Variants in CHD9 observed in about 807,000 individuals in gnomAD.
CHD9 encodes chromodomain helicase DNA binding protein 9.
A neutral mutation model predicts 316.1 loss-of-function variants in CHD9; 77 were observed. The ratio of observed to expected loss-of-function variants is 0.24; its 90% CI spans 0.20 to 0.29. The LOEUF is 0.29. CHD9 is among the 10% of genes least tolerant of loss of function. CHD9 has a pLI of 1.00. For synonymous variants in CHD9, 1,129 were observed against 1,158.3 expected (o/e 0.97, Z 0.51); for missense variants, 2,763 against 3,438.1 (o/e 0.80, Z 4.91).
chr16:53,124,209 T>C (rs964526517), intron 1 of CHD9, among the ~76,000 whole-genome samples: 1 of 152,158 alleles, frequency 6.6e-6, no homozygotes, highest in African/African-American at 2.4e-5. Context: ...GGTTCGAGGG[T>C]TCTACTTTCT....
chr16:53,294,867 A>G (rs1342886317), intron 29 of CHD9, among the ~76,000 whole-genome samples: 4 of 152,240 alleles, frequency 2.6e-5, no homozygotes, highest in African/African-American at 7.2e-5. Context: ...TAGTTTTATC[A>G]TAACATTTGA....
chr16:53,255,829 A>G (rs751100336), intron 19 of CHD9, 50 bp downstream of exon 19: 10 of 1,516,026 alleles, frequency 6.6e-6, no homozygotes, highest in Non-Finnish European at 9.1e-6. Flanking sequence ...TCACATCCTA[A>G]CTACTGAGAA....
At chr16:53,058,784 C>A (rs552913103) in intron 1 of CHD9, among the ~76,000 whole-genome samples, 1 of 152,220 alleles carries the variant, frequency 6.6e-6, no homozygotes, top group African/African-American at 2.4e-5. Context: ...CAACACCCCC[C>A]ACCCTCCAAC....
chr16:53,264,380 A>G (rs2051448908), intron 20 of CHD9, among the ~76,000 whole-genome samples: 1 of 152,068 alleles, frequency 6.6e-6, no homozygotes, highest in Admixed American at 6.6e-5. Context: ...TAGAAACTAA[A>G]TTTTCTATAT....
intron 31 of CHD9, 97 bp downstream of exon 31, chr16:53,304,722 T>C (rs1270976890): frequency 5.5e-6 from 6 of 1,096,336 alleles, no homozygotes; most frequent in Non-Finnish European, 7.5e-6. Flanking sequence ...GAGATGGAGT[T>C]TTGCTCTTGT....
intron 22 of CHD9, 65 bp from the exon 23 acceptor site, chr16:53,273,561 A>G (rs1367126438): frequency 3.2e-6 from 4 of 1,267,924 alleles, no homozygotes; most frequent in Non-Finnish European, 4.3e-6. Flanking sequence ...TTGCATTGAA[A>G]CAATCTTTCA....
At chr16:53,146,008 T>TA (rs987674798) in intron 1 of CHD9, among the ~76,000 whole-genome samples, 2 of 151,954 alleles carry the variant, frequency 1.3e-5, no homozygotes, top group Non-Finnish European at 2.9e-5. Flanking sequence ...ATGAGTTGTC[T>TA]AGAGTTGTTA....
intron 1 of CHD9, among the ~76,000 whole-genome samples, chr16:53,143,320 A>G (rs2040270177): frequency 1.3e-5 from 2 of 151,614 alleles, no homozygotes; most frequent in African/African-American, 4.8e-5. Flanking sequence ...CCTTATGTGG[A>G]CTTTCATAAT....
At chr16:53,126,055 A>C (rs1375710049) in intron 1 of CHD9, among the ~76,000 whole-genome samples, 3 of 152,206 alleles carry the variant, frequency 2.0e-5, no homozygotes, top group African/African-American at 7.2e-5. Context: ...TTTAATTTTA[A>C]TGAAGTCTAG....
intron 3 of CHD9, among the ~76,000 whole-genome samples, chr16:53,222,023 CT>C (rs201154915): frequency 0.034 from 4,968 of 145,034 alleles, 94 homozygotes; most frequent in Middle Eastern, 0.077. Flanking sequence ...ACTTGATTGC[CT>C]TTTTTTTTTT....
rs749117823 is a variant in CHD9, at chr16:53,156,751, A to T, written c.662A>T (p.Asn221Ile). ...NHPPQMTNAS[N>I]SQQSISMQQF... ...CCACCACAGATGACTAATGCATCTA[A>T]TTCACAACAGTCTATTTCAATGCAG... The change falls in exon 2 of 39, where the codon AAT (asparagine) becomes ATT (isoleucine). Residue 221 changes from asparagine to isoleucine, a missense_variant. Physicochemically the swap from Asn to Ile is moderately radical, Grantham distance 149 (BLOSUM62 -3). Coordinates refer to ENST00000447540, the MANE Select transcript of CHD9 (RefSeq NM_001308319.2). 1 of 1,613,840 alleles carries T rather than the reference A, an allele frequency of 6.2e-7. No homozygotes were observed. The highest frequency in any genetic ancestry group is 2.2e-5 in the East Asian group (1 of 44,882).
In CHD9 at chr16:53,101,115, A is replaced by C. The variant is rs761905003; in HGVS notation, c.-165+46038A>C. Reference sequence around the variant, plus strand: ...GCTACATTAGGATTTACTGCATCTAACAAGCAGCCCCACATAGCTTGTTTA... The same window carrying C: ...GCTACATTAGGATTTACTGCATCTACCAAGCAGCCCCACATAGCTTGTTTA... On this transcript the variant is annotated intron_variant, in intron 1 of 38. Coordinates refer to ENST00000447540, the MANE Select transcript of CHD9 (RefSeq NM_001308319.2). 1.1e-3 allele frequency among the ~76,000 whole-genome samples: 162 copies of C among 152,234 alleles called. 2 individuals are homozygous for C. The highest frequency in any genetic ancestry group is 3.5e-4 in the Non-Finnish European group (24 of 68,016).
At chr16:53,194,881 A>G (rs1227684308) in intron 2 of CHD9, among the ~76,000 whole-genome samples, 2 of 152,330 alleles carry the variant, frequency 1.3e-5, no homozygotes, top group East Asian at 3.9e-4. Context: ...TTAATGAAAT[A>G]TATCTGGAAT....
rs1289533079 is a variant in CHD9, at chr16:53,118,068, C to T, written c.-164-37858C>T. Among the ~76,000 whole-genome samples, 6 of 152,108 alleles carry T rather than the reference C, an allele frequency of 3.9e-5. 1 individual carries two copies. The highest frequency in any genetic ancestry group is 4.1e-4 in the South Asian group (2 of 4,826). On this transcript the variant is annotated intron_variant, in intron 1 of 38. Coordinates refer to ENST00000447540, the MANE Select transcript of CHD9 (RefSeq NM_001308319.2). ...AGTTTCGATCTCCTGACCTCATGAT[C>T]CACCCGCCTCGGCCTCCCAAAGTGC... is the stretch of plus-strand genomic sequence containing the variant.
intron 2 of CHD9, among the ~76,000 whole-genome samples, chr16:53,181,010 ATTT>A (rs202227552): frequency 3.0e-5 from 4 of 133,200 alleles, no homozygotes; most frequent in Admixed American, 7.7e-5. Flanking sequence ...GAGAGACACG[ATTT>A]TTTTTTTTTT....
Position 53,209,604 on chromosome 16 carries a change from G to A in CHD9, c.1575G>A (p.Lys525=), listed in dbSNP as rs745709848. The A allele has an allele frequency of 1.9e-6, 3 of 1,613,866 alleles. No individual in the cohort carries two copies. Among genetic ancestry groups the A allele is most frequent in the Middle Eastern group, 1.6e-4 (1 of 6,062 alleles). ...KKVESESKQE[K]ANRIISEAIA... is the part of the protein sequence containing the mutation. ...TGGAATCAGAAAGCAAGCAAGAAAA[G>A]GCTAATCGTATAATATCAGAGGCCA... The change falls in exon 3 of 39, where the codon AAG becomes AAA. Residue 525 remains lysine (K), a synonymous_variant. Transcript: ENST00000447540.
chr16:53,165,326 G>A (rs1426424341), intron 2 of CHD9, among the ~76,000 whole-genome samples: 4 of 152,162 alleles, frequency 2.6e-5, no homozygotes, highest in Non-Finnish European at 5.9e-5. Flanking sequence ...TACAAAAGGT[G>A]AAGAAAGGTA....
At chr16:53,100,150 GATAAACCTAC>G (rs1054791382) in intron 1 of CHD9, among the ~76,000 whole-genome samples, 1 of 152,180 alleles carries the variant, frequency 6.6e-6, no homozygotes, top group African/African-American at 2.4e-5. Flanking sequence ...CAAATAATGG[GATAAACCTAC>G]ATGACTCACC....
At chr16:53,141,331 CTG>C (rs1019601629) in intron 1 of CHD9, among the ~76,000 whole-genome samples, 2 of 152,124 alleles carry the variant, frequency 1.3e-5, no homozygotes, top group Non-Finnish European at 2.9e-5. Context: ...GCCTGTAAAA[CTG>C]TGCTATAGGA....
Sources: allele counts gnomAD v4.1 joint callset (sites outside exome capture counted in the v4.1 genomes callset), GRCh38; gene constraint gnomAD v4.1.1; transcripts MANE v1.5; gene names NCBI Gene and HGNC (gene_info 2026-07-23, HGNC 2026-07-21).